The following ACTRT2 variants were observed in gnomAD, a reference collection of about 807,000 sequenced individuals.
ACTRT2 encodes the protein actin-related protein T2.
ACTRT2 carries 1 observed loss-of-function variant against 1.2 expected under a neutral mutation model. That is an observed-to-expected ratio of 0.80 (90% CI 0.29 to 3.81). The LOEUF is 3.81. Among genes scored for constraint, ACTRT2 ranks in the 30% most tolerant of loss-of-function variants. The probability of loss-of-function intolerance (pLI) is 0.18; values close to 1 mark genes in which losing one functional copy is unlikely to be tolerated. For synonymous variants in ACTRT2, 262 were observed against 228.9 expected, an observed-to-expected ratio of 1.14 and a Z score of -1.30; for missense variants, 488 against 497.9, an observed-to-expected ratio of 0.98 and a Z score of 0.19.
rs1270202990 is a variant in ACTRT2 at position 3,022,019 on chromosome 1, G to T, written c.333G>T (p.Glu111Asp). Residue 111 changes from glutamate to aspartate, a missense_variant, in exon 1 of 1, where the codon GAG (glutamate) becomes GAT (aspartate). By Grantham distance (45) the Glu-to-Asp change is conservative. Transcript: ENST00000378404. This position sits in a 1 kb window ranked among gnomAD's most constrained non-coding sequence, Gnocchi z 7.7. ...GCGACCAGCCCCTGCTTGCAACGGA[G>T]CCCTCCCTGAACCCCAGGGAGAACC... The part of the protein sequence containing the change: ...KPSDQPLLAT[E>D]PSLNPRENRE... 1 of 1,613,554 alleles carries T rather than the reference G, an allele frequency of 6.2e-7. No homozygotes were observed. The highest frequency in any genetic ancestry group is 8.5e-7 in the Non-Finnish European group (1 of 1,180,036).
rs145921682 is a variant in ACTRT2 at position 3,021,793 on chromosome 1, G to C, written c.107G>C (p.Ser36Thr). ...SGEFGPRHMV[S>T]SIVGHLKFQA... ...GAGTTTGGACCCCGGCACATGGTCA[G>C]CTCCATCGTGGGGCACCTGAAATTC... Residue 36 changes from serine to threonine, a missense_variant, in exon 1 of 1, where the codon AGC becomes ACC. Ser to Thr is a moderately conservative substitution (Grantham distance 58). Coordinates refer to ENST00000378404, the MANE Select transcript of ACTRT2 (RefSeq NM_080431.5). The C allele has an allele frequency of 2.5e-6, 4 of 1,613,600 alleles. No homozygotes were observed. The highest frequency in any genetic ancestry group is 3.4e-6 in the Non-Finnish European group (4 of 1,180,042).
At position 3,021,767 on chromosome 1, in the gene ACTRT2, G is replaced by A. The variant is rs568602270; in HGVS notation, c.81G>A (p.Gly27=). ...GGTTCTGCAAAGCGGGCCTGTCTGGGGAGTTTGGACCCCGGCACATGGTCA... is the reference window on the plus strand; with the variant it reads ...GGTTCTGCAAAGCGGGCCTGTCTGGAGAGTTTGGACCCCGGCACATGGTCA... ...GSGFCKAGLS[G]EFGPRHMVSS... Residue 27 remains glycine (G), a synonymous_variant, in exon 1 of 1, where the codon GGG becomes GGA. Coordinates refer to ENST00000378404, the MANE Select transcript of ACTRT2 (RefSeq NM_080431.5). 43 of 1,613,742 alleles carry A rather than the reference G, an allele frequency of 2.7e-5. 1 individual carries two copies. The South Asian group carries it at 3.6e-4, about 14-fold the overall frequency.
chr1:3,022,690 C>G lies in ACTRT2; in HGVS notation c.1004C>G (p.Pro335Arg). ...ACCCCCATCAAGATCACGGCTCCCCCCGACCGGTGGTTCTCCACCTGGATT... is the reference window on the plus strand; with the variant it reads ...ACCCCCATCAAGATCACGGCTCCCCGCGACCGGTGGTTCTCCACCTGGATT... ...KDTPIKITAP[P>R]DRWFSTWIGA... The change falls in exon 1 of 1, where the codon CCC becomes CGC. Residue 335 changes from proline to arginine, a missense_variant. Physicochemically the swap from Pro to Arg is moderately radical, Grantham distance 103 (BLOSUM62 -2). Coordinates refer to ENST00000378404, the MANE Select transcript of ACTRT2 (RefSeq NM_080431.5). The surrounding 1 kb of genome is among the most constrained non-coding windows in gnomAD (Gnocchi z 7.7). 6.2e-7 allele frequency: 1 copy of G among 1,613,440 alleles called. No homozygotes were observed. Among genetic ancestry groups the G allele is most frequent in the Non-Finnish European group, 8.5e-7 (1 of 1,180,028 alleles).
At position 3,022,508 on chromosome 1, in the gene ACTRT2, C is replaced by T. The variant is rs549837390; in HGVS notation, c.822C>T (p.Pro274=). The change falls in exon 1 of 1, where the codon CCC becomes CCT. Residue 274 remains proline, a synonymous_variant. Coordinates refer to ENST00000378404, the MANE Select transcript of ACTRT2 (RefSeq NM_080431.5). This position sits in a 1 kb window ranked among gnomAD's most constrained non-coding sequence, Gnocchi z 7.7. Reference sequence around the variant, plus strand: ...CCCAGCAGCTGGGCAGCCAGAGCCCCGGGCTCTCGAATATGGTCTCCAGCA... The same window carrying T: ...CCCAGCAGCTGGGCAGCCAGAGCCCTGGGCTCTCGAATATGGTCTCCAGCA... ...FVPQQLGSQS[P]GLSNMVSSSI... 62 of 1,612,890 alleles carry T rather than the reference C, an allele frequency of 3.8e-5. No homozygotes were observed. The highest frequency in any genetic ancestry group is 1.0e-4 in the Admixed American group (6 of 60,024).
In ACTRT2 at chr1:3,021,902, C is replaced by G; in HGVS notation, c.216C>G (p.His72Gln). ...ACAAGCAGGAGGCCCTGCAGCTGCA[C>G]TCCCCTTTCGAGCGTGGCCTGATCA... is the stretch of plus-strand genomic sequence containing the variant. Reference protein sequence around the residue: ...ALYKQEALQLHSPFERGLITG... With the variant: ...ALYKQEALQLQSPFERGLITG... The change falls in exon 1 of 1, where the codon CAC (histidine) becomes CAG (glutamine). Residue 72 changes from histidine (H) to glutamine (Q), a missense_variant. His to Gln is a conservative substitution (Grantham distance 24). Transcript: ENST00000378404. 6.2e-7 allele frequency: 1 copy of G among 1,613,544 alleles called. No individual in the cohort carries two copies. Among genetic ancestry groups the G allele is most frequent in the Non-Finnish European group, 8.5e-7 (1 of 1,180,018 alleles).
Position 3,022,520 on chromosome 1 carries a change from T to C in ACTRT2, c.834T>C (p.Asn278=), listed in dbSNP as rs765070948. 1 of 1,612,820 alleles carries C rather than the reference T, an allele frequency of 6.2e-7. No individual in the cohort carries two copies. Among genetic ancestry groups the C allele is most frequent in the South Asian group, 1.1e-5 (1 of 91,066 alleles). ...QLGSQSPGLS[N]MVSSSITKCD... ...GCAGCCAGAGCCCCGGGCTCTCGAATATGGTCTCCAGCAGCATCACCAAGT... is the reference window on the plus strand; with the variant it reads ...GCAGCCAGAGCCCCGGGCTCTCGAACATGGTCTCCAGCAGCATCACCAAGT... The change falls in exon 1 of 1, where the codon AAT becomes AAC. Residue 278 remains asparagine, a synonymous_variant. Transcript: ENST00000378404. This position sits in a 1 kb window ranked among gnomAD's most constrained non-coding sequence, Gnocchi z 7.7.
At position 3,021,983 on chromosome 1, in the gene ACTRT2, C is replaced by T. The variant is rs559954352; in HGVS notation, c.297C>T (p.Gly99=). Residue 99 remains glycine, a synonymous_variant, in exon 1 of 1, where the codon GGC becomes GGT. Transcript: ENST00000378404. ...AGCACCTCTTTGAGTGGGAGCTAGGCGTGAAACCCAGCGACCAGCCCCTGC... is the reference window on the plus strand; with the variant it reads ...AGCACCTCTTTGAGTGGGAGCTAGGTGTGAAACCCAGCGACCAGCCCCTGC... ...LWKHLFEWEL[G]VKPSDQPLLA... 2.2e-5 allele frequency: 36 copies of T among 1,613,588 alleles called. No individual in the cohort carries two copies. The highest frequency in any genetic ancestry group is 1.2e-4 in the Admixed American group (7 of 60,024).
At position 3,021,863 on chromosome 1, in the gene ACTRT2, G is replaced by A. The variant is rs770953749; in HGVS notation, c.177G>A (p.Gly59=). 120 of 1,613,282 alleles carry A rather than the reference G, an allele frequency of 7.4e-5. No individual in the cohort carries two copies. Among genetic ancestry groups the A allele is most frequent in the Non-Finnish European group, 9.6e-5 (113 of 1,180,016 alleles). ...CCAACCAGAAGAAGTACTTTGTGGG[G>A]GAGGAGGCCCTGTACAAGCAGGAGG... ...AEANQKKYFV[G]EEALYKQEAL... The change falls in exon 1 of 1, where the codon GGG becomes GGA. Residue 59 remains glycine (G), a synonymous_variant. Transcript: ENST00000378404.
At position 3,022,845 on chromosome 1, in the gene ACTRT2, G is replaced by A. The variant is rs12564513; in HGVS notation, c.*25G>A. The A allele has an allele frequency of 6.7e-5, 106 of 1,586,752 alleles. No homozygotes were observed. In the East Asian group the frequency reaches 1.9e-3, roughly 29 times the overall value. ...AAGGCCGCTTCTCGTTGGGTACCGTGGGGGGTGAACCCTAGCCCCAGCTTT... is the reference window on the plus strand; with the variant it reads ...AAGGCCGCTTCTCGTTGGGTACCGTAGGGGGTGAACCCTAGCCCCAGCTTT... On this transcript the variant is annotated 3_prime_UTR_variant, in exon 1 of 1. Transcript: ENST00000378404. The surrounding 1 kb of genome is among the most constrained non-coding windows in gnomAD (Gnocchi z 7.7).
At position 3,022,843 on chromosome 1, in the gene ACTRT2, G is replaced by C; in HGVS notation, c.*23G>C. 6.3e-7 allele frequency: 1 copy of C among 1,588,632 alleles called. No individual in the cohort carries two copies. Among genetic ancestry groups the C allele is most frequent in the Non-Finnish European group, 8.6e-7 (1 of 1,164,648 alleles). On this transcript the variant is annotated 3_prime_UTR_variant, in exon 1 of 1. Coordinates refer to ENST00000378404, the MANE Select transcript of ACTRT2 (RefSeq NM_080431.5). This position sits in a 1 kb window ranked among gnomAD's most constrained non-coding sequence, Gnocchi z 7.7. Reference sequence around the variant, plus strand: ...TGAAGGCCGCTTCTCGTTGGGTACCGTGGGGGGTGAACCCTAGCCCCAGCT... The same window carrying C: ...TGAAGGCCGCTTCTCGTTGGGTACCCTGGGGGGTGAACCCTAGCCCCAGCT...
chr1:3,022,293 A>G lies in ACTRT2; in HGVS notation c.607A>G (p.Thr203Ala). 1 of 1,612,650 alleles carries G rather than the reference A, an allele frequency of 6.2e-7. No homozygotes were observed. Among genetic ancestry groups the G allele is most frequent in the Non-Finnish European group, 8.5e-7 (1 of 1,179,864 alleles). The change falls in exon 1 of 1, where the codon ACC becomes GCC. Residue 203 changes from threonine (T) to alanine (A), a missense_variant. Thr to Ala is a moderately conservative substitution (Grantham distance 58). Coordinates refer to ENST00000378404, the MANE Select transcript of ACTRT2 (RefSeq NM_080431.5). The surrounding 1 kb of genome is among the most constrained non-coding windows in gnomAD (Gnocchi z 7.7). ...LMQLLLASGH[T>A]FPCQLDKGLV... ...GCAGCTGCTCCTGGCCAGCGGCCAC[A>G]CCTTCCCCTGCCAGCTGGACAAGGG...
At position 3,021,882 on chromosome 1, in the gene ACTRT2, C is replaced by T; in HGVS notation, c.196C>T (p.Gln66Ter). The T allele has an allele frequency of 6.2e-7, 1 of 1,613,350 alleles. No individual in the cohort carries two copies. The highest frequency in any genetic ancestry group is 1.6e-4 in the Middle Eastern group (1 of 6,062). The change falls in exon 1 of 1, where the codon CAG (glutamine) becomes TAG (stop). Residue 66 changes from glutamine (Q) to a stop codon, truncating the protein, a stop_gained. Transcript: ENST00000378404. LOFTEE classifies it low-confidence loss of function (END_TRUNC). ...YFVGEEALYKQEALQLHSPFE... is the reference protein window; with the variant it reads ...YFVGEEALYK ...TGTGGGGGAGGAGGCCCTGTACAAG[C>T]AGGAGGCCCTGCAGCTGCACTCCCC...
In ACTRT2 at chr1:3,022,229, G is replaced by A. The variant is rs758005320; in HGVS notation, c.543G>A (p.Lys181=). The A allele has an allele frequency of 5.6e-6, 9 of 1,612,882 alleles. No homozygotes were observed. Among genetic ancestry groups the A allele is most frequent in the Admixed American group, 1.7e-5 (1 of 60,010 alleles). The stretch of plus-strand genomic sequence containing the variant: ...ACTCCCTGCCCCACGCAGTCACCAA[G>A]CTCCACGTGGCGGGCAGGGACATCA... ...EGYSLPHAVT[K]LHVAGRDITE... is the part of the protein sequence containing the mutation. Residue 181 remains lysine, a synonymous_variant, in exon 1 of 1, where the codon AAG becomes AAA. Transcript: ENST00000378404. The surrounding 1 kb of genome is among the most constrained non-coding windows in gnomAD (Gnocchi z 7.7).
In ACTRT2 at chr1:3,022,167, G is replaced by A. The variant is rs767883771; in HGVS notation, c.481G>A (p.Asp161Asn). Reference sequence around the variant, plus strand: ...CACGGGCCTGGTGGTGGACAGCGGGGATGCGGTCACCTGCACTGTCCCCAT... The same window carrying A: ...CACGGGCCTGGTGGTGGACAGCGGGAATGCGGTCACCTGCACTGTCCCCAT... The part of the protein sequence containing the change: ...CVTGLVVDSG[D>N]AVTCTVPIFE... The change falls in exon 1 of 1, where the codon GAT becomes AAT. Residue 161 changes from aspartate to asparagine, a missense_variant. By Grantham distance (23) the Asp-to-Asn change is conservative. Transcript: ENST00000378404. The surrounding 1 kb of genome is among the most constrained non-coding windows in gnomAD (Gnocchi z 7.7). The A allele has an allele frequency of 5.6e-6, 9 of 1,613,130 alleles. No individual in the cohort carries two copies. Among genetic ancestry groups the A allele is most frequent in the South Asian group, 2.2e-5 (2 of 91,086 alleles).
rs751900024 is a variant in ACTRT2 at position 3,022,112 on chromosome 1, G to T, written c.426G>T (p.Ala142=). ...CCGCTTTCTACCTGTCGGACCAGGC[G>T]GTGCTGGCTCTCTACGCCTCTGCCT... ...GVPAFYLSDQ[A]VLALYASACV... Residue 142 remains alanine (A), a synonymous_variant, in exon 1 of 1, where the codon GCG becomes GCT. Transcript: ENST00000378404. The surrounding 1 kb of genome is among the most constrained non-coding windows in gnomAD (Gnocchi z 7.7). The T allele has an allele frequency of 8.7e-6, 14 of 1,613,338 alleles. No individual in the cohort carries two copies. Among genetic ancestry groups the T allele is most frequent in the Non-Finnish European group, 1.2e-5 (14 of 1,180,042 alleles).
rs368678813 is a variant in ACTRT2, at chr1:3,022,653, G to A, written c.967G>A (p.Ala323Thr). Residue 323 changes from alanine (A) to threonine (T), a missense_variant, in exon 1 of 1, where the codon GCC (alanine) becomes ACC (threonine). Ala to Thr is a moderately conservative substitution (Grantham distance 58). Transcript: ENST00000378404. This position sits in a 1 kb window ranked among gnomAD's most constrained non-coding sequence, Gnocchi z 7.7. ...DRLLKELEQL[A>T]SKDTPIKITA... ...GCTTCTCAAGGAGCTGGAGCAGCTGGCCTCCAAGGACACCCCCATCAAGAT... is the reference window on the plus strand; with the variant it reads ...GCTTCTCAAGGAGCTGGAGCAGCTGACCTCCAAGGACACCCCCATCAAGAT... 6.8e-6 allele frequency: 11 copies of A among 1,613,174 alleles called. No homozygotes were observed. The highest frequency in any genetic ancestry group is 9.3e-6 in the Non-Finnish European group (11 of 1,180,036).
chr1:3,022,832 C>T lies in ACTRT2; in HGVS notation c.*12C>T, dbSNP rs199969434. The T allele has an allele frequency of 4.8e-5, 77 of 1,595,576 alleles. No individual in the cohort carries two copies. In the Middle Eastern group the frequency reaches 2.7e-3, roughly 55 times the overall value. ...GAAGATGCTTCTGAAGGCCGCTTCT[C>T]GTTGGGTACCGTGGGGGGTGAACCC... On this transcript the variant is annotated 3_prime_UTR_variant, in exon 1 of 1. Transcript: ENST00000378404. This position sits in a 1 kb window ranked among gnomAD's most constrained non-coding sequence, Gnocchi z 7.7.
Position 3,021,883 on chromosome 1 carries a change from A to C in ACTRT2, c.197A>C (p.Gln66Pro), listed in dbSNP as rs755154286. Reference sequence around the variant, plus strand: ...GTGGGGGAGGAGGCCCTGTACAAGCAGGAGGCCCTGCAGCTGCACTCCCCT... The same window carrying C: ...GTGGGGGAGGAGGCCCTGTACAAGCCGGAGGCCCTGCAGCTGCACTCCCCT... ...YFVGEEALYK[Q>P]EALQLHSPFE... The change falls in exon 1 of 1, where the codon CAG becomes CCG. Residue 66 changes from glutamine (Q) to proline (P), a missense_variant. Gln to Pro is a moderately conservative substitution (Grantham distance 76). Transcript: ENST00000378404. The C allele has an allele frequency of 6.2e-7, 1 of 1,613,452 alleles. No homozygotes were observed.
Position 3,021,632 on chromosome 1 carries a change from G to A in ACTRT2, c.-55G>A, listed in dbSNP as rs560118359. 8.2e-5 allele frequency: 127 copies of A among 1,554,342 alleles called. No homozygotes were observed. The highest frequency in any genetic ancestry group is 1.4e-4 in the South Asian group (11 of 79,922). On this transcript the variant is annotated 5_prime_UTR_variant, in exon 1 of 1. Coordinates refer to ENST00000378404, the MANE Select transcript of ACTRT2 (RefSeq NM_080431.5). Reference sequence around the variant, plus strand: ...GGGATCCCCTATTGCATCACAAAGCGGCCCTGGAGGGCTGGTCTTTATTTT... The same window carrying A: ...GGGATCCCCTATTGCATCACAAAGCAGCCCTGGAGGGCTGGTCTTTATTTT...
Sources: gnomAD v4.1 joint callset for allele counts on GRCh38, gnomAD v4.1.1 for gene constraint, Gnocchi (gnomAD v3.1) non-coding constraint, MANE v1.5 for transcripts, NCBI Gene and HGNC (gene_info 2026-07-23, HGNC 2026-07-21) for gene names.